Variants in ALK observed in about 807,000 individuals in gnomAD.
ALK encodes the protein ALK receptor tyrosine kinase, also known as ALK tyrosine kinase receptor.
Under a neutral mutation model 163.1 loss-of-function variants are expected in ALK, and 74 were observed. That is an observed-to-expected ratio of 0.45 (90% CI 0.38 to 0.55). The LOEUF (loss-of-function observed/expected upper bound fraction) is 0.55. Among genes scored for constraint, ALK ranks in the 20% least tolerant of loss-of-function variants. ALK has a pLI of 0.00. For synonymous variants in ALK, 960 were observed against 843.2 expected (o/e 1.14, Z -2.40); for missense variants, 2,063 against 2,105.3 (o/e 0.98, Z 0.39).
intron 1 of ALK, among the ~76,000 whole-genome samples, chr2:29,726,046 A>G (rs1292789042): frequency 1.3e-5 from 2 of 152,210 alleles, no homozygotes; most frequent in Non-Finnish European, 2.9e-5. Flanking sequence ...TAACTGGCCA[A>G]GGTGGACTCA....
intron 2 of ALK, among the ~76,000 whole-genome samples, chr2:29,713,840 GTTTT>G (rs951620489): frequency 5.5e-5 from 8 of 146,108 alleles, no homozygotes; most frequent in South Asian, 2.2e-4. Flanking sequence ...AATGTATCAT[GTTTT>G]TTTTTTTTAA....
chr2:29,821,602 C>T (rs1012396745), intron 1 of ALK, among the ~76,000 whole-genome samples: 6 of 152,168 alleles, frequency 3.9e-5, no homozygotes, highest in African/African-American at 1.4e-4. Context: ...ATCCCCAGCC[C>T]TGGCCACCTT....
intron 4 of ALK, among the ~76,000 whole-genome samples, chr2:29,431,044 T>C (rs1440801447): frequency 6.6e-6 from 1 of 151,666 alleles, no homozygotes; most frequent in Non-Finnish European, 1.5e-5. Context: ...GTAAGAGTTC[T>C]TAGAAACATA....
At chr2:29,208,102 A>G (rs1669363216) in intron 25 of ALK, 7 of 452,080 alleles carry the variant, frequency 1.5e-5, no homozygotes, top group East Asian at 7.0e-5. Context: ...GATATTGTTT[A>G]GTGGAAGAAA....
chr2:29,265,019 T>G (rs1359317113), intron 11 of ALK, among the ~76,000 whole-genome samples: 1 of 151,644 alleles, frequency 6.6e-6, no homozygotes, highest in African/African-American at 2.4e-5. Flanking sequence ...TTTTTTTTTG[T>G]TGTTGTTGTT....
intron 1 of ALK, among the ~76,000 whole-genome samples, chr2:29,752,604 T>G (rs1181154760): frequency 6.6e-6 from 1 of 152,040 alleles, no homozygotes; most frequent in Non-Finnish European, 1.5e-5. Context: ...CGTCTCGGCC[T>G]CCCAAAGTGC....
Position 29,680,620 on chromosome 2 carries a change from T to A in ALK, c.952+14230A>T, listed in dbSNP as rs1217210248. Among the ~76,000 whole-genome samples the A allele has an allele frequency of 3.9e-5, 6 of 152,104 alleles. No homozygotes were observed. In the South Asian group the frequency reaches 6.2e-4, roughly 16 times the overall value. On this transcript the variant is annotated intron_variant, in intron 3 of 28. Coordinates refer to ENST00000389048, the MANE Select transcript of ALK (RefSeq NM_004304.5). ...CATGCTGTTCTTTATTTCTTTAAAC[T>A]TTTTTGTTGTTTTTAATTGAATATA... is the stretch of plus-strand genomic sequence containing the variant.
intron 19 of ALK, among the ~76,000 whole-genome samples, chr2:29,225,253 G>A (rs1663927732): frequency 6.6e-6 from 1 of 152,108 alleles, no homozygotes; most frequent in Non-Finnish European, 1.5e-5. Flanking sequence ...CAGAATCAGG[G>A]GCTCCTCAGG....
rs1669052877 is a variant in ALK, at chr2:29,197,529, A to T, written c.4073+13T>A. 6.2e-7 allele frequency: 1 copy of T among 1,613,208 alleles called. No individual in the cohort carries two copies. Among genetic ancestry groups the T allele is most frequent in the African/African-American group, 1.3e-5 (1 of 75,020 alleles). ...CTTAGTAACTAGCAGAAGTGTTCCTAAAAGAGTCATACACAGGCCCAGGGC... is the reference window on the plus strand; with the variant it reads ...CTTAGTAACTAGCAGAAGTGTTCCTTAAAGAGTCATACACAGGCCCAGGGC... On this transcript the variant is annotated intron_variant, in intron 27 of 28. Coordinates refer to ENST00000389048, the MANE Select transcript of ALK (RefSeq NM_004304.5).
intron 4 of ALK, among the ~76,000 whole-genome samples, chr2:29,410,851 T>C (rs989259702): frequency 6.6e-6 from 1 of 152,188 alleles, no homozygotes; most frequent in South Asian, 2.1e-4. Flanking sequence ...CCTGTAGACT[T>C]TAGCAACACT....
chr2:29,830,290 T>C (rs1665330306), intron 1 of ALK, among the ~76,000 whole-genome samples: 1 of 152,220 alleles, frequency 6.6e-6, no homozygotes, highest in Non-Finnish European at 1.5e-5. Context: ...ATTCCCAATC[T>C]TCAAAAAGTA....
At chr2:29,684,491 C>T (rs1316608839) in intron 3 of ALK, among the ~76,000 whole-genome samples, 1 of 152,198 alleles carries the variant, frequency 6.6e-6, no homozygotes, top group Non-Finnish European at 1.5e-5. Context: ...TGGATTGCAT[C>T]TCTGTGTGGC....
intron 3 of ALK, among the ~76,000 whole-genome samples, chr2:29,603,112 G>C (rs527564462): frequency 6.6e-6 from 1 of 152,198 alleles, no homozygotes; most frequent in Non-Finnish European, 1.5e-5. Context: ...AGAAAGGCAC[G>C]TCTGGGTTAA....
At chr2:29,666,023 G>A (rs568875402) in intron 3 of ALK, among the ~76,000 whole-genome samples, 25 of 152,102 alleles carry the variant, frequency 1.6e-4, no homozygotes, top group African/African-American at 5.1e-4. Flanking sequence ...CCACCATGCC[G>A]AAGTTCACGC....
intron 5 of ALK, among the ~76,000 whole-genome samples, chr2:29,359,541 A>T (rs895095437): frequency 3.3e-5 from 5 of 152,324 alleles, no homozygotes; most frequent in Non-Finnish European, 7.3e-5. Context: ...ATAAAAAAGG[A>T]GAAAGTCAGG....
chr2:29,871,022 A>T (rs1328579775), intron 1 of ALK, among the ~76,000 whole-genome samples: 1 of 152,228 alleles, frequency 6.6e-6, no homozygotes, highest in African/African-American at 2.4e-5. Context: ...ATCAGCCCTC[A>T]GTTTGTGCAT....
intron 1 of ALK, among the ~76,000 whole-genome samples, chr2:29,855,963 A>T (rs1666127346): frequency 6.6e-6 from 1 of 152,252 alleles, no homozygotes; most frequent in Non-Finnish European, 1.5e-5. Flanking sequence ...ACATTAATTT[A>T]AAATTCATGA....
chr2:29,405,652 T>C (rs1669563630), intron 4 of ALK, among the ~76,000 whole-genome samples: 1 of 152,166 alleles, frequency 6.6e-6, no homozygotes, highest in African/African-American at 2.4e-5. Context: ...AGAGTTTTTC[T>C]AATTCTTCAC....
rs115682418 is a variant in ALK, at chr2:29,869,004, C to A, written c.667+50989G>T. On this transcript the variant is annotated intron_variant, in intron 1 of 28. Transcript: ENST00000389048. Reference sequence around the variant, plus strand: ...CTGACAGCCCCAGCTGAGGTCCCAGCTGATAGCTACTGCTGACCAGGAGAC... The same window carrying A: ...CTGACAGCCCCAGCTGAGGTCCCAGATGATAGCTACTGCTGACCAGGAGAC... 7.0e-3 allele frequency among the ~76,000 whole-genome samples: 1,063 copies of A among 152,338 alleles called. 11 individuals carry two copies. The highest frequency in any genetic ancestry group is 0.023 in the African/African-American group (976 of 41,570).
Sources: gnomAD v4.1 joint callset for allele counts (sites outside exome capture counted in the v4.1 genomes callset) on GRCh38, gnomAD v4.1.1 for gene constraint, MANE v1.5 for transcripts, NCBI Gene and HGNC (gene_info 2026-07-23, HGNC 2026-07-21) for gene names.